The following SNX29 variants were observed in gnomAD, a reference collection of about 807,000 sequenced individuals.
The protein encoded by SNX29 is sorting nexin-29.
SNX29 carries 78 observed loss-of-function variants against 102.1 expected under a neutral mutation model. The ratio of observed to expected loss-of-function variants is 0.76; its 90% confidence interval spans 0.64 to 0.92. The LOEUF is 0.92. SNX29 is among the 40% of genes least tolerant of loss of function. The pLI, the probability that SNX29 is intolerant of heterozygous loss-of-function variation, is 0.00. For synonymous variants in SNX29, 580 were observed against 414.5 expected (o/e 1.40, Z -4.85); for missense variants, 1,280 against 1,061.7 (o/e 1.21, Z -2.86).
chr16:12,432,441 C>G (rs903490186), intron 18 of SNX29, among the ~76,000 whole-genome samples: 1 of 152,132 alleles, frequency 6.6e-6, no homozygotes, highest in Non-Finnish European at 1.5e-5. Flanking sequence ...TTAGCCCAGG[C>G]TGGTATGGGG....
chr16:12,548,000 G>A (rs916097), intron 20 of SNX29, among the ~76,000 whole-genome samples: 40,542 of 151,956 alleles, frequency 0.27, 6,328 homozygotes, highest in East Asian at 0.53. Context: ...TCGAGTGAAC[G>A]TGGCATCCTG....
At chr16:12,244,900 A>T (rs1486989233) in intron 14 of SNX29, among the ~76,000 whole-genome samples, 1 of 152,234 alleles carries the variant, frequency 6.6e-6, no homozygotes. Context: ...TGTGTTCTCA[A>T]AAGAACAGTC....
intron 15 of SNX29, among the ~76,000 whole-genome samples, chr16:12,311,099 C>T (rs1348973857): frequency 1.3e-5 from 2 of 152,164 alleles, no homozygotes; most frequent in African/African-American, 4.8e-5. Flanking sequence ...GAGGGCTGGT[C>T]CTTCCTAATC....
chr16:12,549,278 C>A lies in SNX29; in HGVS notation c.2319-19228C>A, dbSNP rs537655051. ...TGGGAGGCTGAGGTGGTAGATCACTCAGGGTCAGAAGTTGGAAACCAGCCT... is the reference window on the plus strand; with the variant it reads ...TGGGAGGCTGAGGTGGTAGATCACTAAGGGTCAGAAGTTGGAAACCAGCCT... On this transcript the variant is annotated intron_variant, in intron 20 of 20. Coordinates refer to ENST00000566228, the MANE Select transcript of SNX29 (RefSeq NM_032167.5). 2.6e-5 allele frequency among the ~76,000 whole-genome samples: 4 copies of A among 152,132 alleles called. No individual in the cohort carries two copies. In the East Asian group the frequency reaches 7.7e-4, roughly 29 times the overall value.
At chr16:12,092,054 A>T (rs1032019721) in intron 11 of SNX29, among the ~76,000 whole-genome samples, 40 of 152,260 alleles carry the variant, frequency 2.6e-4, no homozygotes, top group African/African-American at 8.4e-4. Context: ...GTCCATCTAG[A>T]AGAGCGCAGC....
chr16:12,042,897 A>G lies in SNX29; in HGVS notation c.248A>G (p.Glu83Gly). ...AGGCGCCTGTGCCCTCTCTCCGTAG[A>G]GCCCGTGTTCTGGTACTACGTGAAG... Reference protein sequence around the residue: ...AAGFASKTETEPVFWYYVKEV... With the variant: ...AAGFASKTETGPVFWYYVKEV... The change falls in exon 5 of 21, where the codon GAG (glutamate) becomes GGG (glycine). Residue 83 changes from glutamate (E) to glycine (G), a missense_variant and splice_region_variant. Coordinates refer to ENST00000566228, the MANE Select transcript of SNX29 (RefSeq NM_032167.5). 6.2e-7 allele frequency: 1 copy of G among 1,604,326 alleles called. No individual in the cohort carries two copies. Among genetic ancestry groups the G allele is most frequent in the South Asian group, 1.1e-5 (1 of 90,382 alleles).
intron 13 of SNX29, among the ~76,000 whole-genome samples, chr16:12,153,566 T>TGG (rs1449758111): frequency 6.6e-6 from 1 of 151,604 alleles, no homozygotes; most frequent in Non-Finnish European, 1.5e-5. Context: ...CTCTGCCTCC[T>TGG]GGGTTCAAGA....
chr16:12,292,684 G>T (rs1596787167), intron 15 of SNX29, among the ~76,000 whole-genome samples: 1 of 152,306 alleles, frequency 6.6e-6, no homozygotes. Context: ...TTGACTCCAG[G>T]TGCCCCGCCA....
intron 14 of SNX29, among the ~76,000 whole-genome samples, chr16:12,263,008 A>G (rs181022681): frequency 2.0e-4 from 30 of 152,338 alleles, no homozygotes; most frequent in Admixed American, 1.7e-3. Flanking sequence ...ATGGGAAGCC[A>G]GATGAACTGG....
At chr16:12,473,839 A>G (rs564167709) in intron 18 of SNX29, among the ~76,000 whole-genome samples, 6 of 152,224 alleles carry the variant, frequency 3.9e-5, no homozygotes, top group East Asian at 1.9e-4. Flanking sequence ...AAGTTACTCT[A>G]TATGGTCTGA....
chr16:12,229,520 G>C (rs370636203), intron 14 of SNX29, among the ~76,000 whole-genome samples: 3 of 152,018 alleles, frequency 2.0e-5, no homozygotes, highest in African/African-American at 2.4e-5. Context: ...TATGTCCAGT[G>C]GACCACATCA....
chr16:12,186,755 A>G (rs191136176), intron 13 of SNX29, among the ~76,000 whole-genome samples: 47 of 152,276 alleles, frequency 3.1e-4, no homozygotes, highest in African/African-American at 1.1e-3. Flanking sequence ...GTTGCTTGAT[A>G]GAACATCCCT....
intron 14 of SNX29, among the ~76,000 whole-genome samples, chr16:12,222,179 G>T (rs2077496373): frequency 6.6e-6 from 1 of 152,196 alleles, no homozygotes; most frequent in Non-Finnish European, 1.5e-5. Flanking sequence ...TAAGTCACTT[G>T]CCCAAGGTCA....
At chr16:12,403,220 GT>G (rs2084022906) in intron 17 of SNX29, among the ~76,000 whole-genome samples, 1 of 147,640 alleles carries the variant, frequency 6.8e-6, no homozygotes, top group African/African-American at 2.5e-5. Context: ...GTGTGTGTGT[GT>G]GTGTGTGTGT....
At chr16:12,200,892 C>T (rs1387992654) in intron 14 of SNX29, among the ~76,000 whole-genome samples, 2 of 152,166 alleles carry the variant, frequency 1.3e-5, no homozygotes, top group African/African-American at 4.8e-5. Flanking sequence ...ACACCAGTGT[C>T]ATGAGAGCAT....
At chr16:12,018,567 AGT>A (rs1047732584) in intron 3 of SNX29, among the ~76,000 whole-genome samples, 19 of 151,030 alleles carry the variant, frequency 1.3e-4, no homozygotes, top group African/African-American at 4.6e-4. Flanking sequence ...TGGGTGACAG[AGT>A]GAGACTCTGT....
At chr16:12,047,857 A>G (rs2050150315) in intron 6 of SNX29, among the ~76,000 whole-genome samples, 3 of 151,928 alleles carry the variant, frequency 2.0e-5, no homozygotes, top group Admixed American at 1.3e-4. Flanking sequence ...GGGTTTCTCC[A>G]TGTTGGTCAG....
rs1223113794 is a variant in SNX29 at position 12,572,145 on chromosome 16, TATTAAG to T, written c.*3519_*3524del. 1 of 988,388 alleles carries T rather than the reference TATTAAG, an allele frequency of 1.0e-6. No individual in the cohort carries two copies. The highest frequency in any genetic ancestry group is 1.2e-6 in the Non-Finnish European group (1 of 809,912). The allele number at this position is 988,388 out of a possible 1,614,324, so 61.2% of individuals were successfully genotyped here. On this transcript the variant is annotated 3_prime_UTR_variant, in exon 21 of 21. Transcript: ENST00000566228. ...TGGCCCTGCTTCATACTTTGGAGCT[TATTAAG>T]ATCAATTTTGATAACCATGTAATTT...
At chr16:12,111,040 AG>A (rs2053481861) in intron 11 of SNX29, among the ~76,000 whole-genome samples, 2 of 152,024 alleles carry the variant, frequency 1.3e-5, no homozygotes, top group South Asian at 4.2e-4. Flanking sequence ...TCAAACTCCT[AG>A]CCTCAAGTGA....
Sources: allele counts gnomAD v4.1 joint callset (sites outside exome capture counted in the v4.1 genomes callset), GRCh38; gene constraint gnomAD v4.1.1; transcripts MANE v1.5; gene names NCBI Gene and HGNC (gene_info 2026-07-23, HGNC 2026-07-21).